SERGEF: variants seen among roughly 807,000 people sequenced by gnomAD.
The protein encoded by SERGEF is secretion-regulating guanine nucleotide exchange factor.
In SERGEF, 51 loss-of-function variants were observed where a neutral mutation model predicts 50.0. That is an observed-to-expected ratio of 1.02 (90% confidence interval 0.81 to 1.29). The LOEUF (loss-of-function observed/expected upper bound fraction) is 1.29, where lower values mean the gene tolerates loss of function less well. SERGEF is among the 50% of genes most tolerant of loss of function. The pLI, the probability that SERGEF is intolerant of heterozygous loss-of-function variation, is 0.00. For missense variants in SERGEF, 521 were observed against 557.0 expected (o/e 0.94, Z 0.65); for synonymous variants, 205 against 212.4 (o/e 0.97, Z 0.30).
At chr11:17,826,667 T>C (rs1042461887) in intron 10 of SERGEF, among the ~76,000 whole-genome samples, 9 of 152,306 alleles carry the variant, frequency 5.9e-5, no homozygotes, top group African/African-American at 2.2e-4. Context: ...CTTAAAATGG[T>C]TAAAATAATA....
intron 9 of SERGEF, among the ~76,000 whole-genome samples, chr11:17,948,803 C>T (rs1290375994): frequency 6.6e-6 from 1 of 152,180 alleles, no homozygotes; most frequent in Admixed American, 6.5e-5. Flanking sequence ...AGCCAGAGGC[C>T]TCACAATTAA....
intron 10 of SERGEF, among the ~76,000 whole-genome samples, chr11:17,813,132 C>G (rs1849904651): frequency 2.0e-5 from 3 of 152,212 alleles, no homozygotes; most frequent in African/African-American, 7.2e-5. Context: ...GTCATTTAAT[C>G]TCTTTGAACC....
chr11:17,856,168 T>C (rs1483275110), intron 10 of SERGEF: 1 of 152,344 alleles, frequency 6.6e-6, no homozygotes, highest in Non-Finnish European at 1.5e-5. Context: ...CCACTGACAA[T>C]TTAAAGGCAA....
chr11:17,985,820 G>A (rs952703634), intron 8 of SERGEF, among the ~76,000 whole-genome samples: 13 of 152,208 alleles, frequency 8.5e-5, no homozygotes, highest in Non-Finnish European at 1.9e-4. Flanking sequence ...CCTTAGCTAA[G>A]CACCTACCAC....
rs1045011717 is a variant in SERGEF at position 17,898,613 on chromosome 11, ATTGT to A, written c.1012-20373_1012-20370del. ...AGAGAAACAAAAGGGGAAGTGTGAA[ATTGT>A]TTGAGGGGTAGGAAAACGTTTTTCC... On this transcript the variant is annotated intron_variant, in intron 9 of 10. Coordinates refer to ENST00000265965, the MANE Select transcript of SERGEF (RefSeq NM_012139.4). Among the ~76,000 whole-genome samples the A allele has an allele frequency of 2.0e-5, 3 of 151,912 alleles. No homozygotes were observed. The East Asian group carries it at 5.9e-4, about 30-fold the overall frequency.
At chr11:17,983,980 G>C (rs1320049815) in intron 8 of SERGEF, among the ~76,000 whole-genome samples, 1 of 152,184 alleles carries the variant, frequency 6.6e-6, no homozygotes, top group Non-Finnish European at 1.5e-5. Flanking sequence ...AGATTGGATA[G>C]GGATCAAGAA....
chr11:17,883,869 C>T (rs1388968356), intron 9 of SERGEF, among the ~76,000 whole-genome samples: 1 of 152,200 alleles, frequency 6.6e-6, no homozygotes, highest in Non-Finnish European at 1.5e-5. Flanking sequence ...AAAGTTCTGT[C>T]GCCTGCCCTC....
chr11:17,917,337 G>C lies in SERGEF; in HGVS notation c.1012-39093C>G, dbSNP rs1165870881. 2.0e-5 allele frequency among the ~76,000 whole-genome samples: 3 copies of C among 152,202 alleles called. No individual in the cohort carries two copies. In the South Asian group the frequency reaches 6.2e-4, roughly 31 times the overall value. On this transcript the variant is annotated intron_variant, in intron 9 of 10. Coordinates refer to ENST00000265965, the MANE Select transcript of SERGEF (RefSeq NM_012139.4). ...AGGAATGGAAAACCAAACATTGTAT[G>C]TTCTCACTCATAAGTGGGAGCTAAA...
intron 9 of SERGEF, among the ~76,000 whole-genome samples, chr11:17,958,580 C>T (rs752433471): frequency 9.2e-5 from 14 of 152,124 alleles, no homozygotes; most frequent in Non-Finnish European, 2.1e-4. Context: ...GAAAAATAAA[C>T]ACGAGTATAA....
intron 5 of SERGEF, among the ~76,000 whole-genome samples, chr11:17,998,723 G>T (rs1471898284): frequency 4.6e-5 from 7 of 151,006 alleles, no homozygotes; most frequent in African/African-American, 1.7e-4. Context: ...TAATAGGACT[G>T]GTGTCCTTAT....
chr11:18,004,732 T>C (rs970914453), intron 3 of SERGEF, among the ~76,000 whole-genome samples, 197 bp from the exon 4 acceptor site: 2 of 152,222 alleles, frequency 1.3e-5, no homozygotes, highest in African/African-American at 4.8e-5. Flanking sequence ...GATTGTCTAT[T>C]CTATTCTCTC....
At chr11:17,840,843 CG>C (rs1850488928) in intron 10 of SERGEF, among the ~76,000 whole-genome samples, 1 of 152,140 alleles carries the variant, frequency 6.6e-6, no homozygotes, top group Non-Finnish European at 1.5e-5. Flanking sequence ...TGAAGTACCA[CG>C]GGTCCTTTCT....
chr11:17,968,059 T>C (rs1057394711), intron 8 of SERGEF, among the ~76,000 whole-genome samples: 1 of 152,210 alleles, frequency 6.6e-6, no homozygotes, highest in Non-Finnish European at 1.5e-5. Context: ...CCTCCAAACA[T>C]AGGGTTATTT....
chr11:17,839,943 T>C (rs931433407), intron 10 of SERGEF, among the ~76,000 whole-genome samples: 17 of 152,354 alleles, frequency 1.1e-4, no homozygotes, highest in African/African-American at 3.8e-4. Flanking sequence ...CAAGGACACA[T>C]CTGTCCTTGG....
intron 10 of SERGEF, among the ~76,000 whole-genome samples, chr11:17,800,371 T>A (rs899640769): frequency 6.6e-6 from 1 of 152,226 alleles, no homozygotes; most frequent in Non-Finnish European, 1.5e-5. Context: ...TTGACAAATG[T>A]ATAATGACAT....
At chr11:17,910,933 A>G (rs1055795505) in intron 9 of SERGEF, among the ~76,000 whole-genome samples, 1 of 152,204 alleles carries the variant, frequency 6.6e-6, no homozygotes, top group African/African-American at 2.4e-5. Context: ...TCACAGATCA[A>G]GTAGAACCTA....
At chr11:17,865,431 C>T (rs1006963135) in intron 10 of SERGEF, among the ~76,000 whole-genome samples, 1 of 151,914 alleles carries the variant, frequency 6.6e-6, no homozygotes, top group African/African-American at 2.4e-5. Flanking sequence ...TCCTAAAAGG[C>T]AGGTCCTTCA....
rs183393501 is a variant in SERGEF at position 17,937,980 on chromosome 11, G to A, written c.1011+21490C>T. Among the ~76,000 whole-genome samples the A allele has an allele frequency of 2.6e-5, 4 of 152,282 alleles. No individual in the cohort carries two copies. The East Asian group carries it at 7.7e-4, about 29-fold the overall frequency. ...GCAAGTAGTCAGTGGCCAAGAAATA[G>A]AGATCCTCCAGGGGAACAACCCTAG... On this transcript the variant is annotated intron_variant, in intron 9 of 10. Transcript: ENST00000265965.
intron 1 of SERGEF, among the ~76,000 whole-genome samples, chr11:18,009,486 GTTC>G (rs1481168294): frequency 3.9e-5 from 6 of 152,146 alleles, no homozygotes; most frequent in African/African-American, 1.4e-4. Context: ...CCTGGAATTA[GTTC>G]TTGTTTCTCC....
Sources: allele counts gnomAD v4.1 joint callset (sites outside exome capture counted in the v4.1 genomes callset), GRCh38; gene constraint gnomAD v4.1.1; transcripts MANE v1.5; gene names NCBI Gene and HGNC (gene_info 2026-07-23, HGNC 2026-07-21).